Variants in PSMC4 observed in about 807,000 individuals in gnomAD.
PSMC4 encodes the protein proteasome 26S subunit, ATPase 4.
A neutral mutation model predicts 48.4 loss-of-function variants in PSMC4; 13 were observed. That is an observed-to-expected ratio of 0.27 (90% CI 0.18 to 0.43). PSMC4 has a LOEUF of 0.43. PSMC4 is among the 20% of genes least tolerant of loss of function. The probability of loss-of-function intolerance (pLI) is 1.00; values close to 1 mark genes in which losing one functional copy is unlikely to be tolerated. For synonymous variants in PSMC4, 202 were observed against 212.3 expected (o/e 0.95, Z 0.42); for missense variants, 262 against 555.9 (o/e 0.47, Z 5.32).
chr19:39,971,179 C>T lies in PSMC4; in HGVS notation c.-24C>T, dbSNP rs1296925134. The T allele has an allele frequency of 1.9e-6, 3 of 1,613,916 alleles. No homozygotes were observed. The highest frequency in any genetic ancestry group is 1.7e-5 in the Admixed American group (1 of 60,016). On this transcript the variant is annotated 5_prime_UTR_variant, in exon 1 of 11. Transcript: ENST00000157812. ...GAAGCGGTGACAGATCATCCCAGGC[C>T]ACACAGAGGCCGGCTTGGTCACTAT... is the stretch of plus-strand genomic sequence containing the variant.
chr19:39,979,744 G>A (rs1971259632), intron 6 of PSMC4, 73 bp from the exon 7 acceptor site: 14 of 1,398,582 alleles, frequency 1.0e-5, no homozygotes, highest in Middle Eastern at 2.5e-4. Flanking sequence ...CAAGGAATTC[G>A]CAGTTTCTGT....
At position 39,972,071 on chromosome 19, in the gene PSMC4, C is replaced by T. The variant is rs574679816; in HGVS notation, c.37-75C>T. 8.7e-5 allele frequency: 121 copies of T among 1,384,850 alleles called. No individual in the cohort carries two copies. The African/African-American group carries it at 1.5e-3, about 17-fold the overall frequency. The allele number at this position is 1,384,850 out of a possible 1,614,324, so 85.8% of individuals were successfully genotyped here. ...CATCAGGGTGAAGTGGGGAGGGGAA[C>T]AAACATTAGTGAAGTTGGGAAGCTT... On this transcript the variant is annotated intron_variant, in intron 1 of 10. Coordinates refer to ENST00000157812, the MANE Select transcript of PSMC4 (RefSeq NM_006503.4).
chr19:39,978,021 T>C (rs1971231961), intron 6 of PSMC4, among the ~76,000 whole-genome samples: 1 of 152,070 alleles, frequency 6.6e-6, no homozygotes, highest in East Asian at 1.9e-4. Flanking sequence ...GACAGGGTCT[T>C]GCTATGTTGC....
chr19:39,974,763 TC>T lies in PSMC4; in HGVS notation c.609del (p.Met204CysfsTer61). ...QIGIDPPRGV[L>X]MYGPPGCGKT... ...GGCATCGATCCCCCCCGAGGCGTCC[TC>T]ATGTATGGCCCACCTGGCTGTGGGA... is the stretch of plus-strand genomic sequence containing the variant. On this transcript the variant is annotated frameshift_variant, in exon 6 of 11. Transcript: ENST00000157812. LOFTEE classifies it high-confidence loss of function. The surrounding 1 kb of genome is among the most constrained non-coding windows in gnomAD (Gnocchi z 5.5). The T allele has an allele frequency of 6.2e-7, 1 of 1,614,128 alleles. No individual in the cohort carries two copies. Among genetic ancestry groups the T allele is most frequent in the Non-Finnish European group, 8.5e-7 (1 of 1,180,002 alleles).
intron 3 of PSMC4, among the ~76,000 whole-genome samples, chr19:39,973,864 T>C (rs1257495354): frequency 6.6e-6 from 1 of 152,118 alleles, no homozygotes; most frequent in Non-Finnish European, 1.5e-5. Flanking sequence ...GAGGCCTTTC[T>C]CTTTGACCTG....
chr19:39,980,591 G>A lies in PSMC4; in HGVS notation c.1088-71G>A, dbSNP rs986620384. ...AGGGAGGAGGGGAGGTGACAGAGAT[G>A]GCCAAAGATGACTTCCAGCCCCAGG... On this transcript the variant is annotated intron_variant, in intron 9 of 10. Coordinates refer to ENST00000157812, the MANE Select transcript of PSMC4 (RefSeq NM_006503.4). This position sits in a 1 kb window ranked among gnomAD's most constrained non-coding sequence, Gnocchi z 4.8. 6.3e-6 allele frequency: 10 copies of A among 1,592,918 alleles called. No homozygotes were observed.
At chr19:39,978,422 G>T (rs991721001) in intron 6 of PSMC4, among the ~76,000 whole-genome samples, 2 of 152,134 alleles carry the variant, frequency 1.3e-5, no homozygotes, top group African/African-American at 4.8e-5. Context: ...TGGTCAAGGT[G>T]TGTTTTCTGT....
chr19:39,971,301 C>T (rs1487491466), intron 1 of PSMC4, 63 bp downstream of exon 1: 1 of 1,598,338 alleles, frequency 6.3e-7, no homozygotes, highest in Non-Finnish European at 8.6e-7. Context: ...TGAAGCCAGA[C>T]CTGAGTGGGG....
At chr19:39,976,512 C>CTTTTTTT (rs561360469) in intron 6 of PSMC4, among the ~76,000 whole-genome samples, 173 of 131,106 alleles carry the variant, frequency 1.3e-3, no homozygotes, top group African/African-American at 4.6e-3. Context: ...CGTAAAGTTT[C>CTTTTTTT]TTTTTTTTTT....
At chr19:39,979,561 C>CAAAA in intron 6 of PSMC4, 2 of 210,306 alleles carry the variant, frequency 9.5e-6, no homozygotes, top group Middle Eastern at 1.4e-3. Context: ...ACTCTGTCTC[C>CAAAA]AAAAAAAAAA....
chr19:39,974,827 A>G lies in PSMC4; in HGVS notation c.672A>G (p.Thr224=). 6.2e-7 allele frequency: 1 copy of G among 1,613,210 alleles called. No homozygotes were observed. Among genetic ancestry groups the G allele is most frequent in the African/African-American group, 1.3e-5 (1 of 75,016 alleles). ...CAAAGGCGGTGGCACATCACACAAC[A>G]GGTGAGCCCTTTCGCCCCTGCCCCG... ...MLAKAVAHHT[T]AAFIRVVGSE... Residue 224 remains threonine (T), a splice_region_variant and synonymous_variant, in exon 6 of 11, where the codon ACA becomes ACG. Transcript: ENST00000157812. This position sits in a 1 kb window ranked among gnomAD's most constrained non-coding sequence, Gnocchi z 5.5.
chr19:39,976,827 A>G (rs1040596270), intron 6 of PSMC4, among the ~76,000 whole-genome samples: 1 of 141,700 alleles, frequency 7.1e-6, no homozygotes, highest in Non-Finnish European at 1.5e-5. Context: ...TTCTTAAAAC[A>G]TGAGATTTTT....
At position 39,974,123 on chromosome 19, in the gene PSMC4, G is replaced by A. The variant is rs1971153053; in HGVS notation, c.323-171G>A. The stretch of plus-strand genomic sequence containing the variant: ...AAGAGAGAATCAGGGCGGTAGACAA[G>A]GAGTTCGTGTGAATACTGGGGACGG... On this transcript the variant is annotated intron_variant, in intron 3 of 10. Transcript: ENST00000157812. This position sits in a 1 kb window ranked among gnomAD's most constrained non-coding sequence, Gnocchi z 5.5. 6.6e-6 allele frequency among the ~76,000 whole-genome samples: 1 copy of A among 152,164 alleles called. No homozygotes were observed. The highest frequency in any genetic ancestry group is 6.5e-5 in the Admixed American group (1 of 15,276).
rs764124918 is a variant in PSMC4, at chr19:39,980,223, G to T, written c.919-63G>T. 13 of 1,613,550 alleles carry T rather than the reference G, an allele frequency of 8.1e-6. No individual in the cohort carries two copies. The highest frequency in any genetic ancestry group is 4.0e-5 in the African/African-American group (3 of 74,858). On this transcript the variant is annotated intron_variant, in intron 8 of 10. Transcript: ENST00000157812. The surrounding 1 kb of genome is among the most constrained non-coding windows in gnomAD (Gnocchi z 4.8). ...GTTGGGGGCTGGCACCTAAGGGGTG[G>T]TTATCGTGACAGGAAGGAGGTAGGA...
Position 39,980,268 on chromosome 19 carries a change from C to T in PSMC4, c.919-18C>T. On this transcript the variant is annotated intron_variant, in intron 8 of 10. Transcript: ENST00000157812. This position sits in a 1 kb window ranked among gnomAD's most constrained non-coding sequence, Gnocchi z 4.8. ...GTAGGAGTGCAGAGATCTGAGCTGGCCTGCCCCCCAATGTCAGGTAATCAT... is the reference window on the plus strand; with the variant it reads ...GTAGGAGTGCAGAGATCTGAGCTGGTCTGCCCCCCAATGTCAGGTAATCAT... 1.9e-6 allele frequency: 3 copies of T among 1,613,610 alleles called. No homozygotes were observed. The highest frequency in any genetic ancestry group is 2.5e-6 in the Non-Finnish European group (3 of 1,179,846).
intron 6 of PSMC4, among the ~76,000 whole-genome samples, chr19:39,979,277 C>G (rs1971253029): frequency 6.6e-6 from 1 of 152,026 alleles, no homozygotes; most frequent in Non-Finnish European, 1.5e-5. Context: ...AATGACACAT[C>G]TGGCTGGACA....
chr19:39,975,979 T>G (rs1971191395), intron 6 of PSMC4, among the ~76,000 whole-genome samples: 1 of 152,046 alleles, frequency 6.6e-6, no homozygotes, highest in South Asian at 2.1e-4. Flanking sequence ...CCAGGCGCGG[T>G]GGCTCACGCC....
At chr19:39,978,080 T>A (rs1302110675) in intron 6 of PSMC4, among the ~76,000 whole-genome samples, 1 of 152,180 alleles carries the variant, frequency 6.6e-6, no homozygotes, top group East Asian at 1.9e-4. Context: ...CTGCCTCAGC[T>A]CCCCAAAGTG....
Position 39,980,846 on chromosome 19 carries a change from A to G in PSMC4, c.1143+129A>G, listed in dbSNP as rs1184971101. On this transcript the variant is annotated intron_variant, in intron 10 of 10. Transcript: ENST00000157812. This position sits in a 1 kb window ranked among gnomAD's most constrained non-coding sequence, Gnocchi z 4.8. Reference sequence around the variant, plus strand: ...GTGGGCGCCATCTCTCTCTTCCTCTACCATCACTAGGGGTGGATAGTACAG... The same window carrying G: ...GTGGGCGCCATCTCTCTCTTCCTCTGCCATCACTAGGGGTGGATAGTACAG... 3.3e-6 allele frequency: 3 copies of G among 909,110 alleles called. No homozygotes were observed. Among genetic ancestry groups the G allele is most frequent in the Non-Finnish European group, 5.4e-6 (3 of 553,018 alleles). The allele number at this position is 909,110 out of a possible 1,614,324, so 56.3% of individuals were successfully genotyped here.
Sources: allele counts gnomAD v4.1 joint callset (sites outside exome capture counted in the v4.1 genomes callset), GRCh38; gene constraint gnomAD v4.1.1; non-coding constraint Gnocchi (gnomAD v3.1); transcripts MANE v1.5; gene names NCBI Gene and HGNC (gene_info 2026-07-23, HGNC 2026-07-21).